The following FBXL13 variants were observed in gnomAD, a reference collection of about 807,000 sequenced individuals.
FBXL13 encodes the protein F-box and leucine rich repeat protein 13.
In FBXL13, 67 loss-of-function variants were observed where a neutral mutation model predicts 83.6. That is an observed-to-expected ratio of 0.80 (90% confidence interval 0.66 to 0.98). The LOEUF (loss-of-function observed/expected upper bound fraction) is 0.98. Among genes scored for constraint, FBXL13 ranks in the 50% least tolerant of loss-of-function variants. The pLI is 0.00. For missense variants in FBXL13, 822 were observed against 866.5 expected, an observed-to-expected ratio of 0.95 and a Z score of 0.64; for synonymous variants, 272 against 299.5, an observed-to-expected ratio of 0.91 and a Z score of 0.95.
At chr7:102,860,608 T>C (rs1806668535) in intron 16 of FBXL13, among the ~76,000 whole-genome samples, 2 of 152,152 alleles carry the variant, frequency 1.3e-5, no homozygotes, top group African/African-American at 2.4e-5. Flanking sequence ...CCCCACACTT[T>C]TTCATCTGGA....
At chr7:102,946,022 C>T (rs1822424851) in intron 8 of FBXL13, among the ~76,000 whole-genome samples, 1 of 152,154 alleles carries the variant, frequency 6.6e-6, no homozygotes, top group Non-Finnish European at 1.5e-5. Flanking sequence ...GCTGGTATTA[C>T]AGGTGCTCAC....
intron 18 of FBXL13, among the ~76,000 whole-genome samples, chr7:102,831,431 A>ACACCC (rs1033135095): frequency 8.8e-5 from 13 of 147,126 alleles, no homozygotes; most frequent in African/African-American, 3.0e-4. Flanking sequence ...ACACACACAC[A>ACACCC]CCCCACTACA....
chr7:102,925,205 G>T (rs1584967225), intron 10 of FBXL13, among the ~76,000 whole-genome samples: 1 of 151,886 alleles, frequency 6.6e-6, no homozygotes, highest in East Asian at 2.0e-4. Context: ...ACCAGCCTGG[G>T]CAACATGGTG....
upstream of FBXL13, chr7:103,074,653 T>A: frequency 7.8e-7 from 1 of 1,276,878 alleles, no homozygotes; most frequent in Non-Finnish European, 1.0e-6. Flanking sequence ...CCCTTCTAAC[T>A]CCCCACCGAC....
rs533405478 is a variant in FBXL13 at position 102,899,413 on chromosome 7, G to A, written c.1008+13673C>T. 9.2e-5 allele frequency among the ~76,000 whole-genome samples: 14 copies of A among 152,230 alleles called. No individual in the cohort carries two copies. In the East Asian group the frequency reaches 2.7e-3, roughly 29 times the overall value. ...TCAAACATATCATCTCTCCCTCTTG[G>A]TAGGCTTCTTTGTGAAGATTTCATT... On this transcript the variant is annotated intron_variant, in intron 11 of 19. Coordinates refer to ENST00000313221, the Ensembl canonical transcript of FBXL13.
chr7:102,951,550 G>C (rs1823405171), intron 8 of FBXL13, among the ~76,000 whole-genome samples: 1 of 152,034 alleles, frequency 6.6e-6, no homozygotes, highest in South Asian at 2.1e-4. Flanking sequence ...GCTCACACCT[G>C]TAATCCTAGC....
chr7:102,965,433 A>G (rs1206324769), intron 7 of FBXL13, among the ~76,000 whole-genome samples: 2 of 152,234 alleles, frequency 1.3e-5, no homozygotes, highest in African/African-American at 4.8e-5. Context: ...ATAAGAAAGC[A>G]TTCAATAAAT....
intron 8 of FBXL13, among the ~76,000 whole-genome samples, chr7:102,955,951 A>G (rs955437035): frequency 6.6e-6 from 1 of 152,108 alleles, no homozygotes; most frequent in South Asian, 2.1e-4. Flanking sequence ...TTCTACCAGA[A>G]GTACAAACAG....
At chr7:102,996,551 T>C (rs1261757727) in intron 6 of FBXL13, among the ~76,000 whole-genome samples, 2 of 152,206 alleles carry the variant, frequency 1.3e-5, no homozygotes, top group Non-Finnish European at 2.9e-5. Context: ...AGACAGACTA[T>C]ACTGATTAAC....
intron 2 of FBXL13, 33 bp downstream of exon 2, chr7:103,055,611 T>C: frequency 9.9e-7 from 1 of 1,005,834 alleles, no homozygotes; most frequent in Non-Finnish European, 1.3e-6. Context: ...CAAAATAAAA[T>C]ATTTCCCTAT....
chr7:102,882,250 T>C (rs1405138818), intron 14 of FBXL13, among the ~76,000 whole-genome samples: 3 of 152,060 alleles, frequency 2.0e-5, no homozygotes, highest in Non-Finnish European at 4.4e-5. Flanking sequence ...CAAGACCTTG[T>C]CTCTAAAAAA....
At chr7:102,942,599 G>C (rs1821671517) in intron 8 of FBXL13, among the ~76,000 whole-genome samples, 1 of 152,142 alleles carries the variant, frequency 6.6e-6, no homozygotes, top group Non-Finnish European at 1.5e-5. Flanking sequence ...AATGTCTTGA[G>C]AAAAGTAAAT....
chr7:103,014,676 C>A (rs1162888969), intron 6 of FBXL13, among the ~76,000 whole-genome samples: 3 of 152,210 alleles, frequency 2.0e-5, no homozygotes, highest in South Asian at 2.1e-4. Context: ...GTACTCCCAG[C>A]ACTTTGGGAG....
intron 18 of FBXL13, among the ~76,000 whole-genome samples, chr7:102,826,759 A>G (rs200213777): frequency 0.24 from 26,497 of 111,490 alleles, 4,814 homozygotes; most frequent in East Asian, 0.57. Flanking sequence ...ATATATATAT[A>G]TATATATATA....
chr7:102,826,334 T>A (rs912234852), intron 18 of FBXL13, among the ~76,000 whole-genome samples: 2 of 152,168 alleles, frequency 1.3e-5, no homozygotes, highest in African/African-American at 4.8e-5. Flanking sequence ...TCTAATGCAG[T>A]AAGAAATAAT....
intron 8 of FBXL13, among the ~76,000 whole-genome samples, chr7:102,935,282 C>T (rs1216093195): frequency 1.8e-5 from 2 of 110,042 alleles, no homozygotes; most frequent in Admixed American, 2.8e-4. Flanking sequence ...GATGGACTCT[C>T]GCTCTGATGC....
chr7:103,042,297 C>G (rs1795801052), intron 2 of FBXL13, among the ~76,000 whole-genome samples: 1 of 152,172 alleles, frequency 6.6e-6, no homozygotes. Context: ...AGGAGAACTA[C>G]AAACTACTGC....
intron 1 of FBXL13, among the ~76,000 whole-genome samples, chr7:103,068,589 A>G (rs1047929298): frequency 1.3e-5 from 2 of 152,238 alleles, no homozygotes; most frequent in African/African-American, 4.8e-5. Context: ...AAGTGAGCTG[A>G]CAATGCACAG....
At chr7:102,884,288 T>C (rs749311013) in exon 12 of FBXL13, 2 of 1,613,570 alleles carry the variant, frequency 1.2e-6, no homozygotes, top group Non-Finnish European at 1.7e-6. Context: ...CTGTTTGCAA[T>C]GTACCTGAAG....
Sources: gnomAD v4.1 joint callset for allele counts (sites outside exome capture counted in the v4.1 genomes callset) on GRCh38, gnomAD v4.1.1 for gene constraint, MANE v1.5 for transcripts, NCBI Gene and HGNC (gene_info 2026-07-23, HGNC 2026-07-21) for gene names.